Variants in SLC10A1 observed in about 807,000 individuals in gnomAD.
The protein encoded by SLC10A1 is solute carrier family 10 member 1, also known as hepatic sodium/bile acid cotransporter.
SLC10A1 carries 36 observed loss-of-function variants against 20.5 expected under a neutral mutation model. The ratio of observed to expected loss-of-function variants is 1.75; its 90% CI spans 1.34 to 2.32. The LOEUF is 2.32. SLC10A1 is among the 30% of genes most tolerant of loss of function. The pLI, the probability that SLC10A1 is intolerant of heterozygous loss-of-function variation, is 0.00. For synonymous variants in SLC10A1, 188 were observed against 163.6 expected (o/e 1.15, Z -1.14); for missense variants, 545 against 439.1 (o/e 1.24, Z -2.16).
chr14:69,794,934 C>T (rs1208361139), intron 1 of SLC10A1, among the ~76,000 whole-genome samples: 1 of 152,200 alleles, frequency 6.6e-6, no homozygotes, highest in African/African-American at 2.4e-5. Flanking sequence ...CAATAGTGGC[C>T]ACTGGCGATG....
chr14:69,778,654 T>C, intron 3 of SLC10A1, 125 bp from the exon 4 acceptor site: 1 of 736,388 alleles, frequency 1.4e-6, no homozygotes, highest in East Asian at 2.8e-5. Flanking sequence ...GGTACTTTGC[T>C]ATTGCTGCTG....
At chr14:69,777,288 G>A (rs1883467617) in intron 4 of SLC10A1, among the ~76,000 whole-genome samples, 1 of 152,196 alleles carries the variant, frequency 6.6e-6, no homozygotes, top group African/African-American at 2.4e-5. Context: ...TGGTCAGCCT[G>A]TACTTGTTTC....
chr14:69,783,589 G>A (rs1232732480), intron 2 of SLC10A1, among the ~76,000 whole-genome samples: 1 of 152,188 alleles, frequency 6.6e-6, no homozygotes, highest in African/African-American at 2.4e-5. Flanking sequence ...AGACTGGTGA[G>A]GTCAGTTGAA....
At chr14:69,779,455 T>C (rs1883537323) in intron 2 of SLC10A1, 95 bp from the exon 3 acceptor site, 1 of 919,000 alleles carries the variant, frequency 1.1e-6, no homozygotes, top group East Asian at 2.6e-5. Context: ...GTGGGAAACA[T>C]TGCAATAAAA....
rs1487013069 is a variant in SLC10A1 at position 69,797,195 on chromosome 14, G to T, written c.-40C>A. On this transcript the variant is annotated 5_prime_UTR_variant, in exon 1 of 5. Coordinates refer to ENST00000216540, the MANE Select transcript of SLC10A1 (RefSeq NM_003049.4). ...GTGGAAGACCACTCCTTGTTCTCCG[G>T]CTGACTCCGTTTCTTGTGCAGTTCT... 1 of 1,533,432 alleles carries T rather than the reference G, an allele frequency of 6.5e-7. No individual in the cohort carries two copies. 95.0% of individuals were successfully genotyped at this position (1,533,432 alleles called of 1,614,324 possible).
chr14:69,788,016 C>T (rs763894731), intron 1 of SLC10A1, among the ~76,000 whole-genome samples: 4 of 151,788 alleles, frequency 2.6e-5, no homozygotes, highest in South Asian at 2.1e-4. Flanking sequence ...GCTATGTTAG[C>T]GCCACTCCAC....
At chr14:69,785,443 C>G (rs1883689382) in intron 2 of SLC10A1, among the ~76,000 whole-genome samples, 1 of 152,160 alleles carries the variant, frequency 6.6e-6, no homozygotes, top group African/African-American at 2.4e-5. Flanking sequence ...CCAGGTTTAC[C>G]TAAATGCCTC....
intron 1 of SLC10A1, 53 bp from the exon 2 acceptor site, chr14:69,786,360 T>A (rs1268452819): frequency 6.7e-7 from 1 of 1,494,132 alleles, no homozygotes; most frequent in East Asian, 2.3e-5. Flanking sequence ...AAATACAGAC[T>A]ATTTTGTTGA....
At chr14:69,777,735 T>C (rs1883483597) in intron 4 of SLC10A1, among the ~76,000 whole-genome samples, 1 of 152,036 alleles carries the variant, frequency 6.6e-6, no homozygotes, top group Non-Finnish European at 1.5e-5. Flanking sequence ...CCCATAGTGA[T>C]CAGAGTAAAG....
chr14:69,785,591 CT>C (rs541758842), intron 2 of SLC10A1, among the ~76,000 whole-genome samples: 3,295 of 130,454 alleles, frequency 0.025, 68 homozygotes, highest in African/African-American at 0.08. Flanking sequence ...TCTTTCTTTT[CT>C]TTTTTTTTTT....
In SLC10A1 at chr14:69,777,609, A is replaced by ATTTTTTT. The variant is rs1209960018; in HGVS notation, c.943+723_943+724insAAAAAAA. ...TTTTTTTTTTTTTTTTTTTTTTAAA[A>ATTTTTTT]TTGGTGTTAAAGTGCACTTTGAGGA... On this transcript the variant is annotated intron_variant, in intron 4 of 4. Coordinates refer to ENST00000216540, the MANE Select transcript of SLC10A1 (RefSeq NM_003049.4). Among the ~76,000 whole-genome samples the ATTTTTTT allele has an allele frequency of 7.5e-5, 6 of 79,662 alleles. 2 individuals are homozygous for ATTTTTTT. In the East Asian group the frequency reaches 1.0e-3, roughly 13 times the overall value. 52.3% of individuals were successfully genotyped at this position (79,662 alleles called of 152,430 possible). A position where few individuals can be genotyped will look rare whatever the true frequency, so the allele number is the denominator to read the frequency against.
At chr14:69,784,387 G>C (rs1329574438) in intron 2 of SLC10A1, among the ~76,000 whole-genome samples, 2 of 152,178 alleles carry the variant, frequency 1.3e-5, no homozygotes, top group Non-Finnish European at 2.9e-5. Flanking sequence ...CAAGATGCTG[G>C]GTGGATGGGA....
intron 4 of SLC10A1, among the ~76,000 whole-genome samples, chr14:69,777,927 C>G (rs1378051670): frequency 2.0e-5 from 3 of 151,174 alleles, no homozygotes; most frequent in Admixed American, 2.0e-4. Flanking sequence ...TGCTGTGGCT[C>G]TGATCTGGTT....
chr14:69,777,687 A>T (rs149860061), intron 4 of SLC10A1, among the ~76,000 whole-genome samples: 6 of 147,714 alleles, frequency 4.1e-5, no homozygotes, highest in Non-Finnish European at 7.4e-5. Context: ...TTGAAAGGTA[A>T]TACTCTGAGC....
At chr14:69,783,578 G>C (rs548569330) in intron 2 of SLC10A1, among the ~76,000 whole-genome samples, 2 of 152,322 alleles carry the variant, frequency 1.3e-5, no homozygotes, top group South Asian at 4.1e-4. Flanking sequence ...GAAAAGAGCT[G>C]AGACTGGTGA....
rs1012956145 is a variant in SLC10A1, at chr14:69,785,337, A to G, written c.567+760T>C. 2.0e-5 allele frequency among the ~76,000 whole-genome samples: 3 copies of G among 152,170 alleles called. No homozygotes were observed. The South Asian group carries it at 6.2e-4, about 31-fold the overall frequency. ...CTTCCCACCCCATCCCTCTCTTGAA[A>G]TGCTGGGAATGGGTACACTACCTGT... On this transcript the variant is annotated intron_variant, in intron 2 of 4. Coordinates refer to ENST00000216540, the MANE Select transcript of SLC10A1 (RefSeq NM_003049.4).
intron 4 of SLC10A1, among the ~76,000 whole-genome samples, chr14:69,777,010 T>G: frequency 6.6e-6 from 1 of 152,228 alleles, no homozygotes; most frequent in East Asian, 1.9e-4. Flanking sequence ...GTGTTTCCAC[T>G]GGGGTCTTCT....
rs562117393 is a variant in SLC10A1 at position 69,796,740 on chromosome 14, T to C, written c.356+60A>G. On this transcript the variant is annotated intron_variant, in intron 1 of 4. Transcript: ENST00000216540. Reference sequence around the variant, plus strand: ...GCTTTAGCCCAGCTCTTCCCCTCAATTGTGACATATCTAATGTAGCTCCTG... The same window carrying C: ...GCTTTAGCCCAGCTCTTCCCCTCAACTGTGACATATCTAATGTAGCTCCTG... 678 of 1,373,536 alleles carry C rather than the reference T, an allele frequency of 4.9e-4. 5 individuals are homozygous for C. In the South Asian group the frequency reaches 5.1e-3, roughly 10 times the overall value. 85.1% of individuals were successfully genotyped at this position (1,373,536 alleles called of 1,614,324 possible).
At chr14:69,790,326 C>T (rs1195357405) in intron 1 of SLC10A1, among the ~76,000 whole-genome samples, 3 of 151,898 alleles carry the variant, frequency 2.0e-5, no homozygotes, top group African/African-American at 7.3e-5. Flanking sequence ...GGGAAACATG[C>T]CCTAATTTAT....
Sources: allele counts gnomAD v4.1 joint callset (sites outside exome capture counted in the v4.1 genomes callset), GRCh38; gene constraint gnomAD v4.1.1; transcripts MANE v1.5; gene names NCBI Gene and HGNC (gene_info 2026-07-23, HGNC 2026-07-21).